Variants in SMAGP observed in about 807,000 individuals in gnomAD.
SMAGP encodes small cell adhesion glycoprotein, also known as small cell transmembrane and glycosylated protein.
Under a neutral mutation model 10.1 loss-of-function variants are expected in SMAGP, and 7 were observed. The observed-to-expected ratio is 0.70, with a 90% CI of 0.40 to 1.31. The LOEUF is 1.31. SMAGP is among the 50% of genes most tolerant of loss of function. The pLI, the probability that SMAGP is intolerant of heterozygous loss-of-function variation, is 0.01. For missense variants in SMAGP, 113 were observed against 116.5 expected, an observed-to-expected ratio of 0.97 and a Z score of 0.14; for synonymous variants, 49 against 47.2, an observed-to-expected ratio of 1.04 and a Z score of -0.16.
At chr12:51,263,095 T>C (rs564393212) in intron 2 of SMAGP, among the ~76,000 whole-genome samples, 2 of 152,246 alleles carry the variant, frequency 1.3e-5, no homozygotes, top group African/African-American at 4.8e-5. Flanking sequence ...ATTTTTTTAA[T>C]CTTTGAAAAT....
intron 1 of SMAGP, 97 bp downstream of exon 1, chr12:51,270,159 G>A (rs1821749044): frequency 1.3e-5 from 2 of 152,256 alleles, no homozygotes; most frequent in Admixed American, 1.3e-4. Flanking sequence ...GCTGAGCTTC[G>A]GCCGCTCCGG....
intron 2 of SMAGP, among the ~76,000 whole-genome samples, chr12:51,253,904 TCAAA>T (rs544983526): frequency 3.7e-4 from 56 of 152,034 alleles, no homozygotes; most frequent in African/African-American, 1.3e-3. Context: ...AGACTCTGTC[TCAAA>T]CAAAAAAAAA....
At chr12:51,249,518 G>A (rs996035358) in intron 2 of SMAGP, among the ~76,000 whole-genome samples, 1 of 152,182 alleles carries the variant, frequency 6.6e-6, no homozygotes, top group Non-Finnish European at 1.5e-5. Flanking sequence ...TTGCTTGCTG[G>A]TGCAGAGAAA....
At chr12:51,254,013 A>G (rs1172017577) in intron 2 of SMAGP, among the ~76,000 whole-genome samples, 1 of 152,212 alleles carries the variant, frequency 6.6e-6, no homozygotes, top group Non-Finnish European at 1.5e-5. Flanking sequence ...AAGGGGCTGG[A>G]GAAGGGGAAA....
chr12:51,246,043 G>C lies in SMAGP; in HGVS notation c.192C>G (p.Gly64=). The C allele has an allele frequency of 7.4e-6, 12 of 1,613,998 alleles. No individual in the cohort carries two copies. The highest frequency in any genetic ancestry group is 1.3e-5 in the African/African-American group (1 of 75,038). The stretch of plus-strand genomic sequence containing the variant: ...CTGTAGGTTCATAGGTGACGTAGCT[G>C]CCTTTGTTCTTGTACAGGTAAAAGA... ...LIFFYLYKNK[G]SYVTYEPTEG... The change falls in exon 4 of 4, where the codon GGC becomes GGG. Residue 64 remains glycine, a synonymous_variant. Coordinates refer to ENST00000603798, the MANE Select transcript of SMAGP (RefSeq NM_001031628.2).
chr12:51,268,431 C>T (rs985348086), intron 2 of SMAGP, among the ~76,000 whole-genome samples: 2 of 152,128 alleles, frequency 1.3e-5, no homozygotes, highest in Non-Finnish European at 2.9e-5. Context: ...AATGATTTCC[C>T]TGTTATCTTT....
At chr12:51,253,430 T>A (rs931117196) in intron 2 of SMAGP, 2 of 152,134 alleles carry the variant, frequency 1.3e-5, no homozygotes, top group African/African-American at 4.8e-5. Flanking sequence ...CTTCTAGGTA[T>A]ATACCCAAAA....
In SMAGP at chr12:51,245,886, C is replaced by A; in HGVS notation, c.*55G>T. The A allele has an allele frequency of 6.5e-7, 1 of 1,549,352 alleles. No homozygotes were observed. The highest frequency in any genetic ancestry group is 1.2e-5 in the South Asian group (1 of 84,666). ...TCAGAGAAAACTTTCCCATAATAAG[C>A]AGTCAACGTGTTAGCGATGGAGCCA... On this transcript the variant is annotated 3_prime_UTR_variant, in exon 4 of 4. Transcript: ENST00000603798.
At chr12:51,266,361 C>T (rs1944974443) in intron 2 of SMAGP, among the ~76,000 whole-genome samples, 1 of 151,620 alleles carries the variant, frequency 6.6e-6, no homozygotes, top group South Asian at 2.1e-4. Context: ...TCAAGTAACC[C>T]TTATTTTACA....
At chr12:51,257,492 T>C (rs1218159970) in intron 2 of SMAGP, among the ~76,000 whole-genome samples, 1 of 151,678 alleles carries the variant, frequency 6.6e-6, no homozygotes, top group African/African-American at 2.4e-5. Context: ...GGAGAATTGT[T>C]TGGGGCCAGG....
intron 2 of SMAGP, among the ~76,000 whole-genome samples, chr12:51,258,645 A>C (rs1248658192): frequency 6.6e-6 from 1 of 151,928 alleles, no homozygotes; most frequent in East Asian, 1.9e-4. Flanking sequence ...CTTGTGGACA[A>C]GGCAGAGAAA....
At chr12:51,250,543 A>G (rs1337600119) in intron 2 of SMAGP, among the ~76,000 whole-genome samples, 1 of 147,264 alleles carries the variant, frequency 6.8e-6, no homozygotes, top group Non-Finnish European at 1.5e-5. Context: ...TGAGACAAGG[A>G]TCTCACTATG....
intron 2 of SMAGP, among the ~76,000 whole-genome samples, chr12:51,254,901 A>T (rs1944872516): frequency 6.6e-6 from 1 of 152,172 alleles, no homozygotes; most frequent in African/African-American, 2.4e-5. Flanking sequence ...TAACGGGGAG[A>T]GGAGGAGCAG....
At chr12:51,246,928 C>G in intron 2 of SMAGP, 97 bp from the exon 3 acceptor site, 1 of 810,972 alleles carries the variant, frequency 1.2e-6, no homozygotes, top group Non-Finnish European at 1.9e-6. Context: ...ACCTTCTTCC[C>G]TATTCAAAAG....
At chr12:51,257,317 G>C (rs1289779604) in intron 2 of SMAGP, among the ~76,000 whole-genome samples, 1 of 152,074 alleles carries the variant, frequency 6.6e-6, no homozygotes, top group Admixed American at 6.6e-5. Context: ...TGGAATAGGA[G>C]GAAAAGCAGA....
At chr12:51,248,434 ACTCTCTCTCTCTCTCT>A (rs56012746) in intron 2 of SMAGP, among the ~76,000 whole-genome samples, 144 of 77,552 alleles carry the variant, frequency 1.9e-3, no homozygotes, top group Middle Eastern at 6.9e-3. Flanking sequence ...ACACACACAC[ACTCTCTCTCTCTCTCT>A]CTCTCTCTCT....
chr12:51,245,771 TG>T lies in SMAGP; in HGVS notation c.*169del. 1.5e-6 allele frequency: 1 copy of T among 661,182 alleles called. No homozygotes were observed. Among genetic ancestry groups the T allele is most frequent in the Non-Finnish European group, 2.6e-6 (1 of 391,042 alleles). The allele number at this position is 661,182 out of a possible 1,614,324, so 41.0% of individuals were successfully genotyped here. ...TCATAAACAGCTTTCTCCATGTCCC[TG>T]GTCCCTGGAGTCAGTGATGTCGGCA... On this transcript the variant is annotated 3_prime_UTR_variant, in exon 4 of 4. Coordinates refer to ENST00000603798, the MANE Select transcript of SMAGP (RefSeq NM_001031628.2).
chr12:51,248,715 C>T (rs551219751), intron 2 of SMAGP, among the ~76,000 whole-genome samples: 1 of 152,150 alleles, frequency 6.6e-6, no homozygotes, highest in South Asian at 2.1e-4. Context: ...CATCATGAAG[C>T]TTCCATTAAA....
rs180986275 is a variant in SMAGP at position 51,261,363 on chromosome 12, G to C, written c.34+7882C>G. The stretch of plus-strand genomic sequence containing the variant: ...GCCCACCTCGGCCTCCCAAAGTGCT[G>C]GGATTACAGGCATGAGCCACCACAC... On this transcript the variant is annotated intron_variant, in intron 2 of 3. Coordinates refer to ENST00000603798, the MANE Select transcript of SMAGP (RefSeq NM_001031628.2). Among the ~76,000 whole-genome samples the C allele has an allele frequency of 2.0e-5, 3 of 152,074 alleles. No homozygotes were observed. In the South Asian group the frequency reaches 6.2e-4, roughly 32 times the overall value.
Sources: gnomAD v4.1 joint callset for allele counts (sites outside exome capture counted in the v4.1 genomes callset) on GRCh38, gnomAD v4.1.1 for gene constraint, MANE v1.5 for transcripts, NCBI Gene and HGNC (gene_info 2026-07-23, HGNC 2026-07-21) for gene names.